The following KIF21B variants were observed in gnomAD, a reference collection of about 807,000 sequenced individuals.
KIF21B encodes the protein kinesin-like protein KIF21B.
KIF21B carries 85 observed loss-of-function variants against 192.9 expected under a neutral mutation model. The ratio of observed to expected loss-of-function variants is 0.44; its 90% confidence interval spans 0.37 to 0.53. KIF21B has a LOEUF of 0.53. Among genes scored for constraint, KIF21B ranks in the 20% least tolerant of loss-of-function variants. The probability of loss-of-function intolerance (pLI) is 0.00; values close to 1 mark genes in which losing one functional copy is unlikely to be tolerated. For synonymous variants in KIF21B, 832 were observed against 884.6 expected (o/e 0.94, Z 1.05); for missense variants, 1,716 against 2,194.8 (o/e 0.78, Z 4.36).
chr1:201,022,184 G>A (rs1273831193), intron 1 of KIF21B, among the ~76,000 whole-genome samples: 7 of 152,220 alleles, frequency 4.6e-5, no homozygotes, highest in African/African-American at 7.2e-5. Flanking sequence ...CCCTGGGGCA[G>A]GAAGAAGAAA....
chr1:200,983,035 C>A, intron 28 of KIF21B, 21 bp downstream of exon 28: 1 of 1,535,220 alleles, frequency 6.5e-7, no homozygotes, highest in Non-Finnish European at 8.7e-7. Context: ...GAACCAAACA[C>A]GAGAGACATT....
rs1312030124 is a variant in KIF21B at position 201,023,119 on chromosome 1, A to C, written c.41+224T>G. 6.6e-6 allele frequency among the ~76,000 whole-genome samples: 1 copy of C among 152,250 alleles called. No individual in the cohort carries two copies. The highest frequency in any genetic ancestry group is 1.9e-4 in the East Asian group (1 of 5,194). On this transcript the variant is annotated intron_variant, in intron 1 of 34. Coordinates refer to ENST00000461742, the MANE Select transcript of KIF21B (RefSeq NM_001252102.2). This position sits in a 1 kb window ranked among gnomAD's most constrained non-coding sequence, Gnocchi z 5.9. ...CATTAAGGGCTCCCAAGAGGGGCCC[A>C]AAATTACCACCCAAACAAAGCCACC...
rs1457338801 is a variant in KIF21B, at chr1:200,975,315, G to T, written c.4614+184C>A. Among the ~76,000 whole-genome samples, 2 of 152,188 alleles carry T rather than the reference G, an allele frequency of 1.3e-5. No individual in the cohort carries two copies. The highest frequency in any genetic ancestry group is 4.8e-5 in the African/African-American group (2 of 41,440). ...GGGAGATGTGGCATCAGGAGAGGCC[G>T]CGGGTAGGGAAGAAGGGAGGATGGA... On this transcript the variant is annotated intron_variant, in intron 33 of 34. Transcript: ENST00000461742. This position sits in a 1 kb window ranked among gnomAD's most constrained non-coding sequence, Gnocchi z 4.3.
rs766852362 is a variant in KIF21B at position 201,002,245 on chromosome 1, C to T, written c.1318G>A (p.Ala440Thr). The T allele has an allele frequency of 6.8e-6, 11 of 1,614,232 alleles. No individual in the cohort carries two copies. The highest frequency in any genetic ancestry group is 2.2e-5 in the East Asian group (1 of 44,888). The stretch of plus-strand genomic sequence containing the variant: ...ATGGCATCGATGGCCTCCTGCATGG[C>T]TTTCACCCGCAGCCGCAGGGCCCCA... ...ENGALRLRVK[A>T]MQEAIDAINN... The change falls in exon 9 of 35, where the codon GCC (alanine) becomes ACC (threonine). Residue 440 changes from alanine (A) to threonine (T), a missense_variant. Physicochemically the swap from Ala to Thr is moderately conservative, Grantham distance 58 (BLOSUM62 0). Around this residue, in one of 3 missense-constraint regions of KIF21B, gnomAD observed 1,087 missense variants for 1,316.6 expected, o/e 0.83. Coordinates refer to ENST00000461742, the MANE Select transcript of KIF21B (RefSeq NM_001252102.2).
At chr1:200,995,749 G>A (rs967711121) in intron 15 of KIF21B, among the ~76,000 whole-genome samples, 5 of 152,348 alleles carry the variant, frequency 3.3e-5, no homozygotes, top group Non-Finnish European at 5.9e-5. Flanking sequence ...GTGATCATGC[G>A]TGTGAGATGA....
chr1:200,998,520 C>G lies in KIF21B; in HGVS notation c.1941G>C (p.Gln647His). 2.5e-6 allele frequency: 4 copies of G among 1,613,984 alleles called. No individual in the cohort carries two copies. Among genetic ancestry groups the G allele is most frequent in the Non-Finnish European group, 3.4e-6 (4 of 1,180,028 alleles). Reference sequence around the variant, plus strand: ...TGTTCTCCAGCTCGTCGATCAGCTTCTGCTTGATTTCGATCTCACAAGTCA... The same window carrying G: ...TGTTCTCCAGCTCGTCGATCAGCTTGTGCTTGATTTCGATCTCACAAGTCA... ...ADLTCEIEIK[Q>H]KLIDELENSQ... The change falls in exon 14 of 35, where the codon CAG becomes CAC. Residue 647 changes from glutamine (Q) to histidine (H), a missense_variant. Coordinates refer to ENST00000461742, the MANE Select transcript of KIF21B (RefSeq NM_001252102.2). The surrounding 1 kb of genome is among the most constrained non-coding windows in gnomAD (Gnocchi z 4.3).
At chr1:200,981,901 AT>A (rs1341111199) in intron 28 of KIF21B, among the ~76,000 whole-genome samples, 1 of 151,950 alleles carries the variant, frequency 6.6e-6, no homozygotes, top group East Asian at 1.9e-4. Context: ...TCTGAAGATG[AT>A]TTTTTTCTCA....
chr1:201,021,464 C>T (rs1276519607), intron 1 of KIF21B, among the ~76,000 whole-genome samples: 1 of 152,236 alleles, frequency 6.6e-6, no homozygotes, highest in Non-Finnish European at 1.5e-5. Flanking sequence ...CACCCAGACC[C>T]CACTTAGGGC....
rs951811406 is a variant in KIF21B, at chr1:200,982,424, G to A, written c.3842+632C>T. Among the ~76,000 whole-genome samples, 21 of 152,218 alleles carry A rather than the reference G, an allele frequency of 1.4e-4. No homozygotes were observed. Among genetic ancestry groups the A allele is most frequent in the African/African-American group, 5.1e-4 (21 of 41,456 alleles). On this transcript the variant is annotated intron_variant, in intron 28 of 34. Transcript: ENST00000461742. This position sits in a 1 kb window ranked among gnomAD's most constrained non-coding sequence, Gnocchi z 4.7. ...GCTTGTCAGGGGCTCGGGACCCCAG[G>A]TCCTGAGTCTTGCTCCTCGTTGTGC...
intron 15 of KIF21B, among the ~76,000 whole-genome samples, chr1:200,994,916 C>G (rs1168128384): frequency 2.0e-5 from 3 of 152,220 alleles, no homozygotes; most frequent in Non-Finnish European, 4.4e-5. Context: ...ACACTTGAGT[C>G]TCAACACCCC....
At chr1:201,022,798 C>T (rs1037252675) in intron 1 of KIF21B, among the ~76,000 whole-genome samples, 1 of 152,236 alleles carries the variant, frequency 6.6e-6, no homozygotes, top group African/African-American at 2.4e-5. Context: ...GGATTCTCCC[C>T]CAAAGCCATT....
At chr1:200,974,998 G>GCCTGGAAGTAGCTCCA in intron 33 of KIF21B, 85 bp from the exon 34 acceptor site, 1 of 1,366,706 alleles carries the variant, frequency 7.3e-7, no homozygotes, top group Non-Finnish European at 1.0e-6. Context: ...TAGTAGTGGA[G>GCCTGGAAGTAGCTCCA]CTACTTCCAG....
rs763912127 is a variant in KIF21B, at chr1:200,999,358, C to T, written c.1876G>A (p.Glu626Lys). The T allele has an allele frequency of 3.1e-6, 5 of 1,614,134 alleles. No homozygotes were observed. The highest frequency in any genetic ancestry group is 1.7e-5 in the Admixed American group (1 of 60,020). Residue 626 changes from glutamate (E) to lysine (K), a missense_variant, in exon 13 of 35, where the codon GAG (glutamate) becomes AAG (lysine). Glu to Lys is a moderately conservative substitution (Grantham distance 56, BLOSUM62 1). This residue lies in a region of KIF21B where 1,087 missense variants were observed against 1,316.6 expected (regional missense o/e 0.83). Coordinates refer to ENST00000461742, the MANE Select transcript of KIF21B (RefSeq NM_001252102.2). This position sits in a 1 kb window ranked among gnomAD's most constrained non-coding sequence, Gnocchi z 4.7. ...GCTCAGGCCCACGCACCCTTCTCCT[C>T]GGGGTCTGAGTCTGAGTCCACCAGG... ...ESLVDSDSDP[E>K]EKEVNFQADL...
In KIF21B at chr1:201,004,878, T is replaced by G. The variant is rs1156271004; in HGVS notation, c.788A>C (p.Glu263Ala). 6.2e-7 allele frequency: 1 copy of G among 1,613,554 alleles called. No homozygotes were observed. Among genetic ancestry groups the G allele is most frequent in the East Asian group, 2.2e-5 (1 of 44,874 alleles). Reference protein sequence around the residue: ...PDGTPPSSEYETLTAKFHFVD... With the variant: ...PDGTPPSSEYATLTAKFHFVD... Reference sequence around the variant, plus strand: ...AAAGTGAAACTTAGCAGTGAGTGTCTCATACTCACTCGAGGGAGGTGTACC... The same window carrying G: ...AAAGTGAAACTTAGCAGTGAGTGTCGCATACTCACTCGAGGGAGGTGTACC... Residue 263 changes from glutamate (E) to alanine (A), a missense_variant, in exon 6 of 35, where the codon GAG (glutamate) becomes GCG (alanine). Around this residue, in one of 3 missense-constraint regions of KIF21B, gnomAD observed 1,087 missense variants for 1,316.6 expected, o/e 0.83. Coordinates refer to ENST00000461742, the MANE Select transcript of KIF21B (RefSeq NM_001252102.2).
At chr1:201,022,057 C>G (rs1416193671) in intron 1 of KIF21B, among the ~76,000 whole-genome samples, 1 of 152,090 alleles carries the variant, frequency 6.6e-6, no homozygotes, top group African/African-American at 2.4e-5. Flanking sequence ...TGAGTGCTGC[C>G]TAGGGTGCAT....
chr1:200,998,546 G>T lies in KIF21B; in HGVS notation c.1915C>A (p.Leu639Met). 2 of 1,613,778 alleles carry T rather than the reference G, an allele frequency of 1.2e-6. No individual in the cohort carries two copies. The highest frequency in any genetic ancestry group is 1.7e-6 in the Non-Finnish European group (2 of 1,179,992). ...TGCTTGATTTCGATCTCACAAGTCAGGTCGGCCAGGTCCGCCTGGAAGTTC... is the reference window on the plus strand; with the variant it reads ...TGCTTGATTTCGATCTCACAAGTCATGTCGGCCAGGTCCGCCTGGAAGTTC... ...EVNFQADLAD[L>M]TCEIEIKQKL... Residue 639 changes from leucine to methionine, a missense_variant, in exon 14 of 35, where the codon CTG becomes ATG. Physicochemically the swap from Leu to Met is conservative, Grantham distance 15. Around this residue, in one of 3 missense-constraint regions of KIF21B, gnomAD observed 1,087 missense variants for 1,316.6 expected, o/e 0.83. Transcript: ENST00000461742. The surrounding 1 kb of genome is among the most constrained non-coding windows in gnomAD (Gnocchi z 4.3).
intron 32 of KIF21B, among the ~76,000 whole-genome samples, chr1:200,976,553 C>T (rs532693851): frequency 5.3e-5 from 8 of 152,338 alleles, no homozygotes; most frequent in African/African-American, 1.7e-4. Context: ...GATTGTTATT[C>T]TACCCTTCAA....
chr1:201,006,097 G>A (rs1437251936), intron 3 of KIF21B, among the ~76,000 whole-genome samples: 4 of 152,250 alleles, frequency 2.6e-5, no homozygotes, highest in Non-Finnish European at 4.4e-5. Flanking sequence ...GGCAGAGACA[G>A]AGCTCAGTGG....
chr1:200,998,961 C>T lies in KIF21B; in HGVS notation c.1886-386G>A, dbSNP rs1657274350. On this transcript the variant is annotated intron_variant, in intron 13 of 34. Transcript: ENST00000461742. This position sits in a 1 kb window ranked among gnomAD's most constrained non-coding sequence, Gnocchi z 4.3. ...GGCAGGGCTGAAGGGGCAGGCATCT[C>T]CATTTAGAGGAGAGGGCTTTGGCAC... 6.6e-6 allele frequency among the ~76,000 whole-genome samples: 1 copy of T among 152,092 alleles called. No homozygotes were observed.
Sources: gnomAD v4.1 joint callset for allele counts (sites outside exome capture counted in the v4.1 genomes callset) on GRCh38, gnomAD v4.1.1 for gene constraint, gnomAD v4.1.1 regional missense constraint, Gnocchi (gnomAD v3.1) non-coding constraint, MANE v1.5 for transcripts, NCBI Gene and HGNC (gene_info 2026-07-23, HGNC 2026-07-21) for gene names.